ZNF558: variants seen among roughly 807,000 people sequenced by gnomAD.
ZNF558 encodes zinc finger protein 558.
Under a neutral mutation model 37.6 loss-of-function variants are expected in ZNF558, and 23 were observed. That is an observed-to-expected ratio of 0.61 (90% CI 0.44 to 0.87). ZNF558 has a LOEUF of 0.87. Ranked by LOEUF, ZNF558 falls within the 40% of genes least tolerant of loss-of-function variation. The pLI, the probability that ZNF558 is intolerant of heterozygous loss-of-function variation, is 0.00. For missense variants in ZNF558, 429 were observed against 483.7 expected, an observed-to-expected ratio of 0.89 and a Z score of 1.06; for synonymous variants, 189 against 174.4, an observed-to-expected ratio of 1.08 and a Z score of -0.66.
rs2043803920 is a variant in ZNF558, at chr19:8,811,967, T to C, written c.523A>G (p.Thr175Ala). 3 of 1,614,068 alleles carry C rather than the reference T, an allele frequency of 1.9e-6. No individual in the cohort carries two copies. The highest frequency in any genetic ancestry group is 2.5e-6 in the Non-Finnish European group (3 of 1,180,026). Residue 175 changes from threonine to alanine, a missense_variant, in exon 10 of 10, where the codon ACT becomes GCT. Coordinates refer to ENST00000601372, the MANE Select transcript of ZNF558 (RefSeq NM_144693.3). ...CTACAGTCATAGGGTTTTTCTCCAG[T>C]ATGAATTCTCTTGTGCTGAGTTAGG... The part of the protein sequence containing the change: ...SNLTQHKRIH[T>A]GEKPYDCSQC...
chr19:8,832,318 G>C (rs1463411753), upstream of ZNF558: 1 of 152,256 alleles, frequency 6.6e-6, no homozygotes, highest in Admixed American at 6.5e-5. Flanking sequence ...CCGCGCTTCC[G>C]CTTCCGGTCT....
chr19:8,813,326 G>A lies in ZNF558; in HGVS notation c.248-104C>T, dbSNP rs2043844935. On this transcript the variant is annotated intron_variant, in intron 7 of 9. Coordinates refer to ENST00000601372, the MANE Select transcript of ZNF558 (RefSeq NM_144693.3). ...TGAAGATGGAAAAGTGTGACTTTAGGAGCAGTGAAATAAATTATGCCTTAA... is the reference window on the plus strand; with the variant it reads ...TGAAGATGGAAAAGTGTGACTTTAGAAGCAGTGAAATAAATTATGCCTTAA... 15 of 857,560 alleles carry A rather than the reference G, an allele frequency of 1.7e-5. No homozygotes were observed. The South Asian group carries it at 2.2e-4, about 13-fold the overall frequency. The allele number at this position is 857,560 out of a possible 1,614,324, so 53.1% of individuals were successfully genotyped here.
At chr19:8,821,063 G>A (rs922332670) in intron 7 of ZNF558, 117 bp downstream of exon 7, 25 of 1,450,814 alleles carry the variant, frequency 1.7e-5, no homozygotes, top group Non-Finnish European at 9.2e-7. Context: ...TCTTAGAATG[G>A]TTAAAAATGG....
At chr19:8,821,785 T>A in intron 6 of ZNF558, 1 of 1,381,510 alleles carries the variant, frequency 7.2e-7, no homozygotes, top group Non-Finnish European at 9.4e-7. Context: ...CAGGAGCACA[T>A]GATGTACTCA....
rs1322762069 is a variant in ZNF558 at position 8,806,960 on chromosome 19, C to T, written c.*4321G>A. The T allele has an allele frequency of 2.6e-5, 4 of 152,194 alleles. No homozygotes were observed. Among genetic ancestry groups the T allele is most frequent in the South Asian group, 2.1e-4 (1 of 4,832 alleles). 9.4% of individuals were successfully genotyped at this position (152,194 alleles called of 1,614,324 possible). A position where few individuals can be genotyped will look rare whatever the true frequency, so the allele number is the denominator to read the frequency against. On this transcript the variant is annotated 3_prime_UTR_variant, in exon 10 of 10. Coordinates refer to ENST00000601372, the MANE Select transcript of ZNF558 (RefSeq NM_144693.3). Reference sequence around the variant, plus strand: ...TTTGGTAGATTTGCAGTTTGTCTCTCATTTTCTATGGTTTGTCCATGTTTC... The same window carrying T: ...TTTGGTAGATTTGCAGTTTGTCTCTTATTTTCTATGGTTTGTCCATGTTTC...
intron 7 of ZNF558, among the ~76,000 whole-genome samples, chr19:8,816,210 G>A (rs767188735): frequency 6.6e-5 from 10 of 152,098 alleles, no homozygotes; most frequent in Middle Eastern, 3.4e-3. Flanking sequence ...GGGACCATAG[G>A]TGTGCACCAG....
chr19:8,815,747 C>T (rs948335510), intron 7 of ZNF558, among the ~76,000 whole-genome samples: 1 of 151,952 alleles, frequency 6.6e-6, no homozygotes, highest in African/African-American at 2.4e-5. Context: ...AATCACTCTG[C>T]TGCACTCCGG....
Position 8,807,470 on chromosome 19 carries a change from T to C in ZNF558, c.*3811A>G, listed in dbSNP as rs986052634. On this transcript the variant is annotated 3_prime_UTR_variant, in exon 10 of 10. Transcript: ENST00000601372. ...CTGAAATAAGGAAAAGTCCTAACAA[T>C]GTCTCAGAAAACCCAACAAGATCAG... 2.0e-5 allele frequency: 3 copies of C among 152,412 alleles called. No homozygotes were observed. The South Asian group carries it at 6.2e-4, about 32-fold the overall frequency. 9.4% of individuals were successfully genotyped at this position (152,412 alleles called of 1,614,324 possible).
At position 8,809,960 on chromosome 19, in the gene ZNF558, C is replaced by G. The variant is rs1272945773; in HGVS notation, c.*1321G>C. ...TCCTAGGGGTTTCTCCATATAAGTT[C>G]TCTCATATACAAGAAAGAGAAGAAT... On this transcript the variant is annotated 3_prime_UTR_variant, in exon 10 of 10. Transcript: ENST00000601372. The G allele has an allele frequency of 1.3e-5, 2 of 152,110 alleles. No individual in the cohort carries two copies. The highest frequency in any genetic ancestry group is 4.8e-5 in the African/African-American group (2 of 41,424). 9.4% of individuals were successfully genotyped at this position (152,110 alleles called of 1,614,324 possible). A position where few individuals can be genotyped will look rare whatever the true frequency, so the allele number is the denominator to read the frequency against.
intron 2 of ZNF558, among the ~76,000 whole-genome samples, chr19:8,827,576 T>G (rs1382926024): frequency 7.8e-6 from 1 of 127,758 alleles, no homozygotes; most frequent in Non-Finnish European, 1.6e-5. Flanking sequence ...CTATTCTTTT[T>G]TTTTTTTTTT....
rs1199175031 is a variant in ZNF558, at chr19:8,822,984, A to G, written c.-65-260T>C. On this transcript the variant is annotated intron_variant, in intron 4 of 9. Transcript: ENST00000601372. This position sits in a 1 kb window ranked among gnomAD's most constrained non-coding sequence, Gnocchi z 4.4. ...CCTCGGCTTCACGCAGTCTCACGGC[A>G]TGTTCTTCCCATCCAAGCGCACCAC... 2.7e-6 allele frequency: 1 copy of G among 371,424 alleles called. No homozygotes were observed. Among genetic ancestry groups the G allele is most frequent in the Non-Finnish European group, 5.1e-6 (1 of 195,136 alleles). 23.0% of individuals were successfully genotyped at this position (371,424 alleles called of 1,614,324 possible).
intron 6 of ZNF558, chr19:8,821,597 A>T: frequency 7.4e-7 from 1 of 1,353,398 alleles, no homozygotes; most frequent in Non-Finnish European, 9.5e-7. Context: ...GCCTTTTCTC[A>T]CTCAGACTGG....
In ZNF558 at chr19:8,826,483, G is replaced by A. The variant is rs768639669; in HGVS notation, c.-508-1375C>T. On this transcript the variant is annotated intron_variant, in intron 2 of 9. Transcript: ENST00000601372. ...CAGGAATTAGATTCTCCTAAGGAGT[G>A]TGCAATCCAGATCCCTCACATGCAA... 2.3e-4 allele frequency among the ~76,000 whole-genome samples: 35 copies of A among 151,920 alleles called. 1 individual carries two copies. The highest frequency in any genetic ancestry group is 4.1e-4 in the Non-Finnish European group (28 of 68,000).
At position 8,807,637 on chromosome 19, in the gene ZNF558, C is replaced by G. The variant is rs2043713769; in HGVS notation, c.*3644G>C. On this transcript the variant is annotated 3_prime_UTR_variant, in exon 10 of 10. Transcript: ENST00000601372. ...AAGACAAATTCATATGACTCACTGT[C>G]CCAACTTGTTGAGATCTCCGCTCAA... 2 of 152,152 alleles carry G rather than the reference C, an allele frequency of 1.3e-5. No individual in the cohort carries two copies. The highest frequency in any genetic ancestry group is 1.3e-4 in the Admixed American group (2 of 15,278). 9.4% of individuals were successfully genotyped at this position (152,152 alleles called of 1,614,324 possible).
chr19:8,829,476 G>A (rs2145308065), intron 2 of ZNF558, among the ~76,000 whole-genome samples: 1 of 152,302 alleles, frequency 6.6e-6, no homozygotes, highest in Non-Finnish European at 1.5e-5. Flanking sequence ...TCCTTCCCAA[G>A]AAAGCTTCCC....
intron 2 of ZNF558, among the ~76,000 whole-genome samples, chr19:8,828,374 C>T (rs954349592): frequency 6.6e-5 from 10 of 152,118 alleles, no homozygotes; most frequent in Admixed American, 6.5e-5. Flanking sequence ...CCCAGATAAG[C>T]GGGACATGAA....
chr19:8,825,512 T>C (rs2044211055), intron 2 of ZNF558, among the ~76,000 whole-genome samples: 1 of 151,978 alleles, frequency 6.6e-6, no homozygotes. Flanking sequence ...CCAATAAATT[T>C]AAGTGAAAAA....
intron 2 of ZNF558, among the ~76,000 whole-genome samples, chr19:8,826,518 T>C (rs186369829): frequency 2.7e-3 from 407 of 151,860 alleles, no homozygotes; most frequent in Admixed American, 5.2e-3. Flanking sequence ...AAGTTCACAA[T>C]AGGGTTTGGG....
At chr19:8,821,620 T>A in intron 6 of ZNF558, 1 of 1,337,206 alleles carries the variant, frequency 7.5e-7, no homozygotes, top group Non-Finnish European at 9.6e-7. Context: ...GCTCCTGTGA[T>A]CTTATTTCCC....
Sources: gnomAD v4.1 joint callset for allele counts (sites outside exome capture counted in the v4.1 genomes callset) on GRCh38, gnomAD v4.1.1 for gene constraint, Gnocchi (gnomAD v3.1) non-coding constraint, MANE v1.5 for transcripts, NCBI Gene and HGNC (gene_info 2026-07-23, HGNC 2026-07-21) for gene names.